The following MYLK variants were observed in gnomAD, a reference collection of about 807,000 sequenced individuals.
The protein encoded by MYLK is myosin light chain kinase, smooth muscle.
Under a neutral mutation model 203.4 loss-of-function variants are expected in MYLK, and 106 were observed. The observed-to-expected ratio is 0.52, with a 90% CI of 0.45 to 0.61. MYLK has a LOEUF of 0.61. Among genes scored for constraint, MYLK ranks in the 20% least tolerant of loss-of-function variants. The pLI is 0.00. For synonymous variants in MYLK, 867 were observed against 959.5 expected (o/e 0.90, Z 1.78); for missense variants, 2,072 against 2,442.3 (o/e 0.85, Z 3.20).
At chr3:123,645,197 G>A (rs752669636) in intron 27 of MYLK, among the ~76,000 whole-genome samples, 4 of 152,152 alleles carry the variant, frequency 2.6e-5, no homozygotes, top group African/African-American at 4.8e-5. Context: ...GGTGGGTGTC[G>A]TATCTACATT....
At chr3:123,747,876 A>C (rs1205250535) in intron 5 of MYLK, among the ~76,000 whole-genome samples, 1 of 152,178 alleles carries the variant, frequency 6.6e-6, no homozygotes, top group Non-Finnish European at 1.5e-5. Flanking sequence ...AGGCCTTCTC[A>C]GACTGAGACC....
chr3:123,703,217 C>T (rs1436592165), intron 16 of MYLK, among the ~76,000 whole-genome samples: 1 of 152,154 alleles, frequency 6.6e-6, no homozygotes, highest in African/African-American at 2.4e-5. Context: ...TGGCCTGGCC[C>T]AGGATTCTCA....
chr3:123,852,480 T>G (rs540608316), intron 2 of MYLK, among the ~76,000 whole-genome samples: 1 of 152,340 alleles, frequency 6.6e-6, no homozygotes, highest in African/African-American at 2.4e-5. Flanking sequence ...GTCCAGGAAT[T>G]TATCCATTTC....
At chr3:123,718,710 C>T (rs910342708) in intron 13 of MYLK, among the ~76,000 whole-genome samples, 7 of 152,160 alleles carry the variant, frequency 4.6e-5, no homozygotes, top group African/African-American at 9.6e-5. Flanking sequence ...ACACACCCCA[C>T]TCACTGGCTT....
Position 123,620,199 on chromosome 3 carries a change from C to T in MYLK, c.5368+8G>A. On this transcript the variant is annotated splice_region_variant and intron_variant, in intron 32 of 33. Transcript: ENST00000360304. ...TCTCACCAGCTGGCTGGAGAAACTC[C>T]TCCTTACCTTCAGATTCTAGTTTTT... The T allele has an allele frequency of 3.7e-6, 6 of 1,613,326 alleles. No individual in the cohort carries two copies. Among genetic ancestry groups the T allele is most frequent in the Non-Finnish European group, 5.1e-6 (6 of 1,179,398 alleles).
chr3:123,675,477 G>A (rs1386895736), intron 20 of MYLK, among the ~76,000 whole-genome samples: 1 of 152,190 alleles, frequency 6.6e-6, no homozygotes, highest in Non-Finnish European at 1.5e-5. Flanking sequence ...AGGGCAGAGA[G>A]ACCAGAGTAA....
chr3:123,672,316 A>C (rs820326), intron 20 of MYLK, among the ~76,000 whole-genome samples: 145,889 of 152,092 alleles, frequency 0.96, 70,256 homozygotes, highest in East Asian at 1. Context: ...AGAGAAAAGA[A>C]CATGTGAGGA....
chr3:123,669,865 T>C (rs1437768919), intron 20 of MYLK, among the ~76,000 whole-genome samples: 1 of 151,562 alleles, frequency 6.6e-6, no homozygotes, highest in African/African-American at 2.4e-5. Context: ...CAAAACCCCA[T>C]CTCTACGAAA....
At chr3:123,729,795 T>C (rs2062413736) in intron 11 of MYLK, among the ~76,000 whole-genome samples, 1 of 150,680 alleles carries the variant, frequency 6.6e-6, no homozygotes, top group Non-Finnish European at 1.5e-5. Context: ...GTGGGAAGGA[T>C]CACTTGAGGC....
intron 3 of MYLK, among the ~76,000 whole-genome samples, chr3:123,815,262 C>T (rs1388492332): frequency 6.6e-6 from 1 of 152,116 alleles, no homozygotes; most frequent in Non-Finnish European, 1.5e-5. Flanking sequence ...TACTCTCCTG[C>T]CTCAGCCTCC....
At chr3:123,708,556 C>CT (rs1176367793) in intron 15 of MYLK, 142 bp downstream of exon 15, 1 of 871,236 alleles carries the variant, frequency 1.1e-6, no homozygotes, top group African/African-American at 1.7e-5. Flanking sequence ...GAGCTGGCCT[C>CT]TGGGGCTGGG....
intron 18 of MYLK, among the ~76,000 whole-genome samples, chr3:123,696,157 G>A (rs775844099): frequency 1.3e-5 from 2 of 152,118 alleles, no homozygotes; most frequent in Admixed American, 1.3e-4. Context: ...TTTGGGTGGG[G>A]GTCTGTGGGC....
At chr3:123,832,992 C>G (rs2066381268) in intron 2 of MYLK, among the ~76,000 whole-genome samples, 1 of 152,058 alleles carries the variant, frequency 6.6e-6, no homozygotes, top group Non-Finnish European at 1.5e-5. Flanking sequence ...TTGTGGCTTC[C>G]CCTGACACTT....
At chr3:123,666,390 A>G in intron 21 of MYLK, 44 bp from the exon 22 acceptor site, 1 of 1,613,618 alleles carries the variant, frequency 6.2e-7, no homozygotes, top group East Asian at 2.2e-5. Context: ...GAAGGGTCTC[A>G]GGCATTCTGA....
intron 2 of MYLK, among the ~76,000 whole-genome samples, chr3:123,842,098 C>T (rs2066605081): frequency 6.6e-6 from 1 of 151,980 alleles, no homozygotes; most frequent in Non-Finnish European, 1.5e-5. Flanking sequence ...ATATTATATA[C>T]AATATCTATC....
intron 2 of MYLK, among the ~76,000 whole-genome samples, chr3:123,873,739 T>C (rs184142419): frequency 1.3e-5 from 2 of 152,300 alleles, no homozygotes; most frequent in Admixed American, 1.3e-4. Flanking sequence ...TAGATTTAGC[T>C]AGCTACTAAT....
At chr3:123,669,326 C>T (rs533560577) in intron 20 of MYLK, among the ~76,000 whole-genome samples, 135 of 152,254 alleles carry the variant, frequency 8.9e-4, no homozygotes, top group Non-Finnish European at 1.5e-3. Context: ...TCAGTACACA[C>T]GACTAACCTG....
intron 3 of MYLK, among the ~76,000 whole-genome samples, chr3:123,814,991 C>T (rs1198733807): frequency 6.6e-6 from 1 of 152,100 alleles, no homozygotes; most frequent in Non-Finnish European, 1.5e-5. Flanking sequence ...CAGGGTTTCA[C>T]CTTGTTGGTC....
Position 123,753,476 on chromosome 3 carries a change from C to CT in MYLK, c.166-939dup, listed in dbSNP as rs5852362. Among the ~76,000 whole-genome samples the CT allele has an allele frequency of 1.7e-3, 200 of 120,858 alleles. 1 individual carries two copies. The highest frequency in any genetic ancestry group is 3.4e-3 in the African/African-American group (117 of 34,590). The allele number at this position is 120,858 out of a possible 152,430, so 79.3% of individuals were successfully genotyped here. ...TAAGTACTTGGCTCATCTGAGTTTC[C>CT]TTTTTTTTTTTTTTTTTGAGATGGA... On this transcript the variant is annotated intron_variant, in intron 4 of 33. Coordinates refer to ENST00000360304, the MANE Select transcript of MYLK (RefSeq NM_053025.4).
Sources: allele counts gnomAD v4.1 joint callset (sites outside exome capture counted in the v4.1 genomes callset), GRCh38; gene constraint gnomAD v4.1.1; transcripts MANE v1.5; gene names NCBI Gene and HGNC (gene_info 2026-07-23, HGNC 2026-07-21).